MEGF11: variants seen among roughly 807,000 people sequenced by gnomAD.
MEGF11 encodes the protein multiple EGF like domains 11.
In MEGF11, 126 loss-of-function variants were observed where a neutral mutation model predicts 146.6. The ratio of observed to expected loss-of-function variants is 0.86; its 90% confidence interval spans 0.74 to 1.00. The LOEUF (loss-of-function observed/expected upper bound fraction) is 1.00. Ranked by LOEUF, MEGF11 falls within the 50% of genes least tolerant of loss-of-function variation. The pLI, the probability that MEGF11 is intolerant of heterozygous loss-of-function variation, is 0.00. For synonymous variants in MEGF11, 532 were observed against 583.4 expected (o/e 0.91, Z 1.27); for missense variants, 1,509 against 1,521.2 (o/e 0.99, Z 0.13).
chr15:66,093,181 G>A (rs974230054), intron 5 of MEGF11, among the ~76,000 whole-genome samples: 4 of 152,126 alleles, frequency 2.6e-5, no homozygotes, highest in African/African-American at 9.7e-5. Context: ...AACAGATCAT[G>A]GACTCCCTGA....
chr15:66,192,191 G>A (rs2090900407), intron 1 of MEGF11, among the ~76,000 whole-genome samples: 1 of 152,034 alleles, frequency 6.6e-6, no homozygotes, highest in Admixed American at 6.6e-5. Flanking sequence ...ATAATGGCCA[G>A]GCACAGTGGC....
At chr15:65,928,802 GT>G (rs2079467191) in intron 12 of MEGF11, among the ~76,000 whole-genome samples, 1 of 151,996 alleles carries the variant, frequency 6.6e-6, no homozygotes, top group Non-Finnish European at 1.5e-5. Context: ...TGAGAAGGAG[GT>G]GATACTCCTG....
At chr15:65,930,620 G>T (rs1295570875) in intron 11 of MEGF11, among the ~76,000 whole-genome samples, 6 of 152,180 alleles carry the variant, frequency 3.9e-5, no homozygotes, top group Non-Finnish European at 8.8e-5. Context: ...AAACAACATT[G>T]CAATGAATCC....
At chr15:66,004,695 T>C (rs1596979041) in intron 5 of MEGF11, among the ~76,000 whole-genome samples, 1 of 152,056 alleles carries the variant, frequency 6.6e-6, no homozygotes, top group African/African-American at 2.4e-5. Flanking sequence ...GCAAAAGGTA[T>C]TCAAGCAGAG....
At chr15:66,229,335 G>C (rs2091916953) in intron 1 of MEGF11, among the ~76,000 whole-genome samples, 1 of 152,048 alleles carries the variant, frequency 6.6e-6, no homozygotes, top group Non-Finnish European at 1.5e-5. Flanking sequence ...CAGGCTCCCG[G>C]TGGGCCATGG....
rs542082320 is a variant in MEGF11, at chr15:66,114,432, G to A, written c.301+4654C>T. Among the ~76,000 whole-genome samples the A allele has an allele frequency of 7.9e-5, 12 of 152,314 alleles. No homozygotes were observed. The South Asian group carries it at 2.5e-3, about 32-fold the overall frequency. On this transcript the variant is annotated intron_variant, in intron 4 of 25. Transcript: ENST00000395614. Reference sequence around the variant, plus strand: ...TGTTTCAAGCCACTGGGATTTGGACGTTGTCTGTTACCGCAGCAAAACTCA... The same window carrying A: ...TGTTTCAAGCCACTGGGATTTGGACATTGTCTGTTACCGCAGCAAAACTCA...
At chr15:66,047,377 T>G (rs967301472) in intron 5 of MEGF11, among the ~76,000 whole-genome samples, 6 of 152,198 alleles carry the variant, frequency 3.9e-5, no homozygotes, top group Non-Finnish European at 7.3e-5. Context: ...TACCACTTCC[T>G]AGCTAGGCGA....
In MEGF11 at chr15:65,898,105, T is replaced by C. The variant is rs749061145; in HGVS notation, c.3263-11A>G. 26 of 1,609,174 alleles carry C rather than the reference T, an allele frequency of 1.6e-5. No individual in the cohort carries two copies. The highest frequency in any genetic ancestry group is 1.6e-4 in the Middle Eastern group (1 of 6,076). ...CACTGACTGTGGGCTCTAAGAAATATAGTGAAAAATGAGTTCAGAGAACAG... is the reference window on the plus strand; with the variant it reads ...CACTGACTGTGGGCTCTAAGAAATACAGTGAAAAATGAGTTCAGAGAACAG... On this transcript the variant is annotated splice_polypyrimidine_tract_variant and intron_variant, in intron 25 of 25. Coordinates refer to ENST00000395614, the MANE Select transcript of MEGF11 (RefSeq NM_001385028.1).
At chr15:66,195,014 T>TA (rs1567279620) in intron 1 of MEGF11, among the ~76,000 whole-genome samples, 67 of 150,862 alleles carry the variant, frequency 4.4e-4, no homozygotes, top group African/African-American at 1.6e-3. Flanking sequence ...CCATTGTCCT[T>TA]GAAAAAAAAA....
rs553392437 is a variant in MEGF11, at chr15:66,203,951, T to A, written c.-9+49654A>T. Among the ~76,000 whole-genome samples, 139 of 152,256 alleles carry A rather than the reference T, an allele frequency of 9.1e-4. 1 individual carries two copies. Among genetic ancestry groups the A allele is most frequent in the Middle Eastern group, 3.4e-3 (1 of 294 alleles). On this transcript the variant is annotated intron_variant, in intron 1 of 25. Coordinates refer to ENST00000395614, the MANE Select transcript of MEGF11 (RefSeq NM_001385028.1). The stretch of plus-strand genomic sequence containing the variant: ...TATCTTGATATAATTTATTTTAAAA[T>A]GTTTCTGTGGGCCAGGTGTGGTGGT...
chr15:66,014,753 T>G (rs1022251124), intron 5 of MEGF11, among the ~76,000 whole-genome samples: 3 of 152,222 alleles, frequency 2.0e-5, no homozygotes, highest in Non-Finnish European at 4.4e-5. Flanking sequence ...CTCTCCGCTT[T>G]CATCATCATG....
intron 4 of MEGF11, among the ~76,000 whole-genome samples, chr15:66,096,823 G>C (rs898092878): frequency 6.6e-6 from 1 of 152,148 alleles, no homozygotes; most frequent in Non-Finnish European, 1.5e-5. Context: ...AGCTGGGGGG[G>C]AACAGCCTTC....
At chr15:66,019,059 TC>T (rs1286171644) in intron 5 of MEGF11, among the ~76,000 whole-genome samples, 2 of 152,162 alleles carry the variant, frequency 1.3e-5, no homozygotes, top group Non-Finnish European at 2.9e-5. Flanking sequence ...TGTGGGACTC[TC>T]CCTGTCTCCA....
chr15:66,221,828 A>C (rs2091745857), intron 1 of MEGF11, among the ~76,000 whole-genome samples: 1 of 152,082 alleles, frequency 6.6e-6, no homozygotes, highest in Non-Finnish European at 1.5e-5. Flanking sequence ...CTTTGTGACT[A>C]ACTGAGATGC....
chr15:65,908,119 C>A (rs2078685308), intron 23 of MEGF11, among the ~76,000 whole-genome samples: 1 of 152,194 alleles, frequency 6.6e-6, no homozygotes, highest in Admixed American at 6.5e-5. Flanking sequence ...GCTAATAACA[C>A]AGCCTCCTGA....
rs367755365 is a variant in MEGF11 at position 66,106,634 on chromosome 15, G to A, written c.302-12140C>T. ...GGCAGTAGGCAGCAGTCTGGCTCTA[G>A]GGTCTATGCTGTTAACCTTGATATC... On this transcript the variant is annotated intron_variant, in intron 4 of 25. Coordinates refer to ENST00000395614, the MANE Select transcript of MEGF11 (RefSeq NM_001385028.1). Among the ~76,000 whole-genome samples the A allele has an allele frequency of 9.0e-4, 137 of 152,272 alleles. 1 individual carries two copies. Among genetic ancestry groups the A allele is most frequent in the African/African-American group, 3.2e-3 (133 of 41,540 alleles).
At chr15:66,038,947 C>A (rs1341283310) in intron 5 of MEGF11, among the ~76,000 whole-genome samples, 1 of 152,146 alleles carries the variant, frequency 6.6e-6, no homozygotes, top group African/African-American at 2.4e-5. Flanking sequence ...TCACTCAGGG[C>A]ACATACTCCT....
At chr15:65,930,095 ATTGT>A (rs1329131827) in intron 11 of MEGF11, among the ~76,000 whole-genome samples, 4 of 152,174 alleles carry the variant, frequency 2.6e-5, no homozygotes, top group Admixed American at 6.5e-5. Context: ...CCGGGTGCTC[ATTGT>A]TTGTGCTGCA....
chr15:66,134,070 C>T (rs1473445932), intron 1 of MEGF11, among the ~76,000 whole-genome samples: 2 of 152,130 alleles, frequency 1.3e-5, no homozygotes, highest in Non-Finnish European at 2.9e-5. Flanking sequence ...TTGCAGCCAC[C>T]ATTAATCAGG....
Sources: allele counts gnomAD v4.1 joint callset (sites outside exome capture counted in the v4.1 genomes callset), GRCh38; gene constraint gnomAD v4.1.1; transcripts MANE v1.5; gene names NCBI Gene and HGNC (gene_info 2026-07-23, HGNC 2026-07-21).